Variants in PCDHA10 observed in about 807,000 individuals in gnomAD.
The protein encoded by PCDHA10 is protocadherin alpha-10.
PCDHA10 carries 45 observed loss-of-function variants against 61.2 expected under a neutral mutation model. The observed-to-expected ratio is 0.74, with a 90% CI of 0.58 to 0.94. PCDHA10 has a LOEUF of 0.94. Ranked by LOEUF, PCDHA10 falls within the 40% of genes least tolerant of loss-of-function variation. PCDHA10 has a pLI of 0.00. For synonymous variants in PCDHA10, 602 were observed against 548.8 expected, an observed-to-expected ratio of 1.10 and a Z score of -1.35; for missense variants, 1,278 against 1,236.2, an observed-to-expected ratio of 1.03 and a Z score of -0.51.
At chr5:140,878,399 A>T (rs1246599611) in intron 1 of PCDHA10, among the ~76,000 whole-genome samples, 2 of 152,238 alleles carry the variant, frequency 1.3e-5, no homozygotes, top group East Asian at 3.8e-4. Flanking sequence ...TTGCTCACAA[A>T]ATATCTTCTT....
At chr5:140,917,875 T>TC (rs1459321723) in intron 1 of PCDHA10, among the ~76,000 whole-genome samples, 11 of 152,026 alleles carry the variant, frequency 7.2e-5, no homozygotes, top group Non-Finnish European at 7.4e-5. Context: ...CTATTTGGGC[T>TC]CTTTTTTTTT....
intron 1 of PCDHA10, chr5:140,967,401 G>C: frequency 6.2e-7 from 1 of 1,611,944 alleles, no homozygotes; most frequent in Non-Finnish European, 8.5e-7. Context: ...CTGGTGCTGC[G>C]TAAGGGCCTA....
intron 1 of PCDHA10, chr5:140,967,224 A>G (rs2096116008): frequency 6.2e-7 from 1 of 1,613,708 alleles, no homozygotes; most frequent in Non-Finnish European, 8.5e-7. Flanking sequence ...CGGCCCAACT[A>G]CCAGCTTCAG....
intron 1 of PCDHA10, chr5:140,881,257 C>T (rs2058639669): frequency 2.0e-6 from 1 of 512,572 alleles, no homozygotes; most frequent in Non-Finnish European, 2.5e-6. Context: ...CAAGGTTTTA[C>T]TCAGTGATGA....
chr5:140,938,908 C>A (rs1213664574), intron 1 of PCDHA10, among the ~76,000 whole-genome samples: 1 of 152,074 alleles, frequency 6.6e-6, no homozygotes, highest in Non-Finnish European at 1.5e-5. Flanking sequence ...CACACACACA[C>A]ACGCACAAGA....
Position 140,880,781 on chromosome 5 carries a change from G to C in PCDHA10, c.2388+22345G>C, listed in dbSNP as rs575201091. Reference sequence around the variant, plus strand: ...GTGTTGGAGGCTAAAAAGAATGTTAGAGGAGTAATATAAATAGGTGAATGA... The same window carrying C: ...GTGTTGGAGGCTAAAAAGAATGTTACAGGAGTAATATAAATAGGTGAATGA... On this transcript the variant is annotated intron_variant, in intron 1 of 3. Transcript: ENST00000307360. Among the ~76,000 whole-genome samples the C allele has an allele frequency of 5.9e-5, 9 of 152,346 alleles. No homozygotes were observed. In the East Asian group the frequency reaches 1.3e-3, roughly 23 times the overall value.
intron 1 of PCDHA10, chr5:140,860,673 C>A (rs955931174): frequency 1.2e-4 from 18 of 152,210 alleles, no homozygotes; most frequent in African/African-American, 4.3e-4. Context: ...AAATCAAATG[C>A]ACTTATGTTT....
chr5:140,926,891 G>A, intron 1 of PCDHA10: 9 of 1,545,914 alleles, frequency 5.8e-6, no homozygotes, highest in Non-Finnish European at 7.9e-6. Context: ...CCTAGAGGGA[G>A]GATGGTGGGC....
At chr5:140,926,819 C>G in intron 1 of PCDHA10, 1 of 1,493,950 alleles carries the variant, frequency 6.7e-7, no homozygotes, top group Non-Finnish European at 8.9e-7. Context: ...CTCGTGCTCT[C>G]CAGGAGTCCG....
chr5:140,960,395 AG>A (rs562972971), intron 1 of PCDHA10, among the ~76,000 whole-genome samples: 1 of 152,150 alleles, frequency 6.6e-6, no homozygotes, highest in African/African-American at 2.4e-5. Context: ...TTAGGATGCA[AG>A]GGGGGGTGCC....
Position 140,873,357 on chromosome 5 carries a change from G to T in PCDHA10, c.2388+14921G>T, listed in dbSNP as rs564914388. On this transcript the variant is annotated intron_variant, in intron 1 of 3. Coordinates refer to ENST00000307360, the MANE Select transcript of PCDHA10 (RefSeq NM_018901.4). ...TACTCATCTCCAGATGAAATTTTTG[G>T]AATAACTGAAGATCTTTTAAAGACT... Among the ~76,000 whole-genome samples the T allele has an allele frequency of 2.0e-5, 3 of 152,172 alleles. No individual in the cohort carries two copies. In the South Asian group the frequency reaches 6.2e-4, roughly 32 times the overall value.
At chr5:140,873,494 T>C (rs2153295972) in intron 1 of PCDHA10, among the ~76,000 whole-genome samples, 1 of 152,254 alleles carries the variant, frequency 6.6e-6, no homozygotes, top group South Asian at 2.1e-4. Flanking sequence ...TTCTGCAAAG[T>C]TGTGTCTTTT....
chr5:140,954,297 C>G (rs1369831854), intron 1 of PCDHA10, among the ~76,000 whole-genome samples: 1 of 152,298 alleles, frequency 6.6e-6, no homozygotes, highest in African/African-American at 2.4e-5. Context: ...TGGGTACATA[C>G]CCAGTAATGG....
chr5:140,999,125 G>A (rs1554256627), intron 3 of PCDHA10, among the ~76,000 whole-genome samples: 1 of 152,152 alleles, frequency 6.6e-6, no homozygotes, highest in Non-Finnish European at 1.5e-5. Context: ...TTCTAAGCTG[G>A]AAAATGTCAC....
At chr5:140,932,794 G>A (rs945877357) in intron 1 of PCDHA10, among the ~76,000 whole-genome samples, 46 of 151,806 alleles carry the variant, frequency 3.0e-4, no homozygotes, top group African/African-American at 4.8e-5. Flanking sequence ...TAAGAGAAAA[G>A]CAATACCTTG....
intron 1 of PCDHA10, chr5:140,871,242 G>T: frequency 6.2e-7 from 1 of 1,613,980 alleles, no homozygotes; most frequent in South Asian, 1.1e-5. Flanking sequence ...TGGTACTCAC[G>T]CTGCTGCTGT....
chr5:140,857,727 AC>A lies in PCDHA10; in HGVS notation c.1680del (p.Asn560LysfsTer91). The A allele has an allele frequency of 6.3e-7, 1 of 1,597,294 alleles. No individual in the cohort carries two copies. Among genetic ancestry groups the A allele is most frequent in the Non-Finnish European group, 8.6e-7 (1 of 1,167,670 alleles). ...LQVFVLDEND[N>X]APALLASPAG... ...GTGTTCGTGCTGGACGAGAACGACA[AC>A]GCTCCCGCGCTGCTGGCGTCTCCCG... On this transcript the variant is annotated frameshift_variant, in exon 1 of 4. Transcript: ENST00000307360. LOFTEE classifies it high-confidence loss of function.
chr5:140,876,853 A>G, intron 1 of PCDHA10: 1 of 1,614,094 alleles, frequency 6.2e-7, no homozygotes. Context: ...GCCCGAGTAC[A>G]CAGTGTTCGT....
At chr5:141,007,235 T>G (rs2098311065) in intron 3 of PCDHA10, among the ~76,000 whole-genome samples, 1 of 151,964 alleles carries the variant, frequency 6.6e-6, no homozygotes, top group Non-Finnish European at 1.5e-5. Context: ...GAAGGATTGT[T>G]GAGCTGAAGG....
Sources: allele counts gnomAD v4.1 joint callset (sites outside exome capture counted in the v4.1 genomes callset), GRCh38; gene constraint gnomAD v4.1.1; transcripts MANE v1.5; gene names NCBI Gene and HGNC (gene_info 2026-07-23, HGNC 2026-07-21).